Variants in CHRNB3 observed in about 807,000 individuals in gnomAD.
The protein encoded by CHRNB3 is cholinergic receptor nicotinic beta 3 subunit.
CHRNB3 carries 37 observed loss-of-function variants against 40.6 expected under a neutral mutation model. The ratio of observed to expected loss-of-function variants is 0.91; its 90% CI spans 0.70 to 1.20. The LOEUF is 1.20. Ranked by LOEUF, CHRNB3 falls within the 50% of genes most tolerant of loss-of-function variation. The pLI, the probability that CHRNB3 is intolerant of heterozygous loss-of-function variation, is 0.00. For missense variants in CHRNB3, 505 were observed against 551.2 expected, an observed-to-expected ratio of 0.92 and a Z score of 0.84; for synonymous variants, 207 against 207.1, an observed-to-expected ratio of 1.00 and a Z score of 0.00.
chr8:42,718,897 C>G (rs1473623677), intron 3 of CHRNB3, among the ~76,000 whole-genome samples: 1 of 151,816 alleles, frequency 6.6e-6, no homozygotes, highest in Non-Finnish European at 1.5e-5. Flanking sequence ...AATGAGGAAG[C>G]CTAGAGTTGG....
intron 3 of CHRNB3, among the ~76,000 whole-genome samples, chr8:42,720,201 C>T (rs979283519): frequency 3.5e-5 from 5 of 143,376 alleles, no homozygotes; most frequent in South Asian, 2.2e-4. Context: ...ATCTCGGCTC[C>T]GCCTCCCAGG....
At chr8:42,700,996 G>A (rs1192682573) in intron 1 of CHRNB3, among the ~76,000 whole-genome samples, 2 of 152,002 alleles carry the variant, frequency 1.3e-5, no homozygotes, top group African/African-American at 2.4e-5. Flanking sequence ...TTGGGAGGCT[G>A]AGGCATGCAG....
At chr8:42,711,271 C>A (rs1334777333) in intron 3 of CHRNB3, among the ~76,000 whole-genome samples, 2 of 152,030 alleles carry the variant, frequency 1.3e-5, no homozygotes, top group African/African-American at 4.8e-5. Flanking sequence ...GATCATGCCA[C>A]TGCATTCCAG....
intron 5 of CHRNB3, among the ~76,000 whole-genome samples, chr8:42,735,975 C>A (rs1371902634): frequency 6.6e-6 from 1 of 152,164 alleles, no homozygotes; most frequent in Non-Finnish European, 1.5e-5. Flanking sequence ...AAGCAATTCT[C>A]CTGCCTCAGC....
intron 3 of CHRNB3, among the ~76,000 whole-genome samples, chr8:42,714,392 C>T (rs1424480318): frequency 6.6e-6 from 1 of 151,892 alleles, no homozygotes; most frequent in African/African-American, 2.4e-5. Context: ...GTCCCAGCTA[C>T]TCGGGAGGCT....
rs1289996218 is a variant in CHRNB3, at chr8:42,725,706, C to G, written c.250-4888C>G. ...TCTCCTGGAAATGCTTCTCCAGGTG[C>G]TCCTCAATCACTGTGTTGTCTGTCA... On this transcript the variant is annotated intron_variant, in intron 3 of 5. Transcript: ENST00000289957. 4 of 928,986 alleles carry G rather than the reference C, an allele frequency of 4.3e-6. No homozygotes were observed. The East Asian group carries it at 9.6e-5, about 22-fold the overall frequency. 57.5% of individuals were successfully genotyped at this position (928,986 alleles called of 1,614,324 possible). A position where few individuals can be genotyped will look rare whatever the true frequency, so the allele number is the denominator to read the frequency against.
rs538680888 is a variant in CHRNB3 at position 42,725,880 on chromosome 8, A to G, written c.250-4714A>G. On this transcript the variant is annotated intron_variant, in intron 3 of 5. Coordinates refer to ENST00000289957, the MANE Select transcript of CHRNB3 (RefSeq NM_000749.5). The stretch of plus-strand genomic sequence containing the variant: ...GGGGGGTGACTTTTACAAAGACACC[A>G]CTAAAAATTTTCTTTGGGCAAAGTC... 7.2e-5 allele frequency: 59 copies of G among 819,578 alleles called. 1 individual carries two copies. The South Asian group carries it at 7.4e-4, about 10-fold the overall frequency. The allele number at this position is 819,578 out of a possible 1,614,324, so 50.8% of individuals were successfully genotyped here.
intron 1 of CHRNB3, among the ~76,000 whole-genome samples, chr8:42,702,216 T>G (rs1815819233): frequency 6.6e-6 from 1 of 152,126 alleles, no homozygotes; most frequent in Non-Finnish European, 1.5e-5. Flanking sequence ...TCACATTCGC[T>G]CTCTGCCTCT....
intron 1 of CHRNB3, among the ~76,000 whole-genome samples, chr8:42,703,415 C>A (rs1386827361): frequency 1.8e-5 from 1 of 54,112 alleles, no homozygotes; most frequent in African/African-American, 3.8e-5. Context: ...CAGAGCAAGA[C>A]TTCGTCTAAA....
intron 1 of CHRNB3, among the ~76,000 whole-genome samples, chr8:42,702,105 A>T (rs1280112313): frequency 6.6e-6 from 1 of 151,850 alleles, no homozygotes; most frequent in Non-Finnish European, 1.5e-5. Context: ...GCAGCAGCAC[A>T]CTCTCCCAGA....
rs192824720 is a variant in CHRNB3 at position 42,716,047 on chromosome 8, C to G, written c.249+5613C>G. Among the ~76,000 whole-genome samples, 434 of 144,326 alleles carry G rather than the reference C, an allele frequency of 3.0e-3. 6 individuals are homozygous for G. Among genetic ancestry groups the G allele is most frequent in the Admixed American group, 0.023 (318 of 13,850 alleles). The allele number at this position is 144,326 out of a possible 152,430, so 94.7% of individuals were successfully genotyped here. On this transcript the variant is annotated intron_variant, in intron 3 of 5. Coordinates refer to ENST00000289957, the MANE Select transcript of CHRNB3 (RefSeq NM_000749.5). The stretch of plus-strand genomic sequence containing the variant: ...AGGCTGGAGCGCAGTGGCATGATCT[C>G]GGCTCAGTGCAACCTCCGCTTCCTG...
chr8:42,717,403 A>AAAAAAAAAAAAAAAAAG lies in CHRNB3; in HGVS notation c.249+6971_249+6972insAAAAAAAAAAAAAAGAA, dbSNP rs71221230. ...AAAAAAAAAAAAAAAAAAAAAAAAA[A>AAAAAAAAAAAAAAAAAG]AAGCCGACCTGTTGTGGAAAGGTCA... is the stretch of plus-strand genomic sequence containing the variant. On this transcript the variant is annotated intron_variant, in intron 3 of 5. Transcript: ENST00000289957. Among the ~76,000 whole-genome samples, 110 of 50,906 alleles carry AAAAAAAAAAAAAAAAAG rather than the reference A, an allele frequency of 2.2e-3. 44 individuals are homozygous for AAAAAAAAAAAAAAAAAG. The highest frequency in any genetic ancestry group is 0.04 in the Middle Eastern group (2 of 50). The allele number at this position is 50,906 out of a possible 152,430, so 33.4% of individuals were successfully genotyped here.
At chr8:42,710,960 T>G (rs1268969812) in intron 3 of CHRNB3, among the ~76,000 whole-genome samples, 1 of 152,198 alleles carries the variant, frequency 6.6e-6, no homozygotes, top group Non-Finnish European at 1.5e-5. Context: ...AAATGATGAA[T>G]ACGTGTTTTC....
At chr8:42,718,686 A>G (rs926665490) in intron 3 of CHRNB3, among the ~76,000 whole-genome samples, 1 of 150,818 alleles carries the variant, frequency 6.6e-6, no homozygotes. Flanking sequence ...AAAAAAAAAA[A>G]AAAAAAAAAA....
At chr8:42,731,222 A>T (rs1816412170) in intron 4 of CHRNB3, among the ~76,000 whole-genome samples, 1 of 152,154 alleles carries the variant, frequency 6.6e-6, no homozygotes, top group Non-Finnish European at 1.5e-5. Flanking sequence ...AAATAAAAAA[A>T]TTGTTTATTA....
intron 1 of CHRNB3, among the ~76,000 whole-genome samples, chr8:42,700,076 C>A (rs1393341277): frequency 1.4e-5 from 2 of 148,068 alleles, no homozygotes; most frequent in Non-Finnish European, 3.0e-5. Flanking sequence ...TACAGTGGCG[C>A]GATCTCTGCT....
rs115881166 is a variant in CHRNB3 at position 42,730,463 on chromosome 8, G to A, written c.250-131G>A. On this transcript the variant is annotated intron_variant, in intron 3 of 5. Coordinates refer to ENST00000289957, the MANE Select transcript of CHRNB3 (RefSeq NM_000749.5). ...TGTACTGAGTCCCCAGTAGGGTCAC[G>A]CAGTCCAACCGGGACAATTTCCTTT... The A allele has an allele frequency of 4.0e-3, 2,257 of 559,364 alleles. 47 individuals are homozygous for A. The highest frequency in any genetic ancestry group is 0.039 in the African/African-American group (2,012 of 51,798). The allele number at this position is 559,364 out of a possible 1,614,324, so 34.7% of individuals were successfully genotyped here.
intron 3 of CHRNB3, among the ~76,000 whole-genome samples, chr8:42,722,955 G>C (rs998397625): frequency 1.3e-5 from 2 of 151,660 alleles, no homozygotes; most frequent in Non-Finnish European, 2.9e-5. Context: ...TTATTTTACT[G>C]TTTAGATATT....
rs955578941 is a variant in CHRNB3 at position 42,736,834 on chromosome 8, C to G, written c.*216C>G. 1.7e-6 allele frequency: 1 copy of G among 598,790 alleles called. No homozygotes were observed. The highest frequency in any genetic ancestry group is 2.9e-6 in the Non-Finnish European group (1 of 345,660). The allele number at this position is 598,790 out of a possible 1,614,324, so 37.1% of individuals were successfully genotyped here. ...TAAAGAAAGTGGAGCCTCCTCAGAC[C>G]CCTGCCTTGGCTTTCCCAGACATTC... On this transcript the variant is annotated 3_prime_UTR_variant, in exon 6 of 6. Coordinates refer to ENST00000289957, the MANE Select transcript of CHRNB3 (RefSeq NM_000749.5).
Sources: gnomAD v4.1 joint callset for allele counts (sites outside exome capture counted in the v4.1 genomes callset) on GRCh38, gnomAD v4.1.1 for gene constraint, MANE v1.5 for transcripts, NCBI Gene and HGNC (gene_info 2026-07-23, HGNC 2026-07-21) for gene names.